Variants in RORB observed in about 807,000 individuals in gnomAD.
RORB encodes the protein RAR related orphan receptor B.
A neutral mutation model predicts 59.1 loss-of-function variants in RORB; 6 were observed. The ratio of observed to expected loss-of-function variants is 0.10; its 90% CI spans 0.06 to 0.20. RORB has a LOEUF of 0.20. Among genes scored for constraint, RORB ranks in the 10% least tolerant of loss-of-function variants. The probability of loss-of-function intolerance (pLI) is 1.00; values close to 1 mark genes in which losing one functional copy is unlikely to be tolerated. For missense variants in RORB, 320 were observed against 560.5 expected (o/e 0.57, Z 4.33); for synonymous variants, 215 against 204.5 (o/e 1.05, Z -0.44).
At chr9:74,529,855 G>T (rs186992313) in intron 1 of RORB, among the ~76,000 whole-genome samples, 1 of 151,766 alleles carries the variant, frequency 6.6e-6, no homozygotes, top group Non-Finnish European at 1.5e-5. Context: ...AGAAATCACC[G>T]CTGAAGGACT....
chr9:74,577,791 A>G (rs1822661048), intron 1 of RORB, among the ~76,000 whole-genome samples: 1 of 152,074 alleles, frequency 6.6e-6, no homozygotes, highest in South Asian at 2.1e-4. Flanking sequence ...ATGAGAAATA[A>G]ATGAAAACCT....
rs111628776 is a variant in RORB at position 74,511,529 on chromosome 9, G to T, written c.7+13546G>T. 9.8e-3 allele frequency among the ~76,000 whole-genome samples: 1,491 copies of T among 151,372 alleles called. 37 individuals are homozygous for T. The highest frequency in any genetic ancestry group is 0.035 in the African/African-American group (1,432 of 41,168). On this transcript the variant is annotated intron_variant, in intron 1 of 9. Coordinates refer to ENST00000376896, the MANE Select transcript of RORB (RefSeq NM_006914.4). ...GGGAGGCACAGTGACCCGGGCCTGTGGTCCTGGCACATAAGGCGGCTAGGG... is the reference window on the plus strand; with the variant it reads ...GGGAGGCACAGTGACCCGGGCCTGTTGTCCTGGCACATAAGGCGGCTAGGG...
intron 1 of RORB, among the ~76,000 whole-genome samples, chr9:74,548,931 T>A (rs1826545492): frequency 1.3e-5 from 2 of 152,202 alleles, no homozygotes; most frequent in Non-Finnish European, 2.9e-5. Context: ...AATAATTGCA[T>A]CATTATTGGA....
intron 1 of RORB, among the ~76,000 whole-genome samples, chr9:74,535,635 C>T (rs958776669): frequency 2.8e-4 from 43 of 152,008 alleles, no homozygotes; most frequent in African/African-American, 1.0e-3. Context: ...AGAGAAACTC[C>T]CTTTGTCATT....
chr9:74,522,069 T>G (rs143041759), intron 1 of RORB, among the ~76,000 whole-genome samples: 1 of 151,906 alleles, frequency 6.6e-6, no homozygotes, highest in African/African-American at 2.4e-5. Flanking sequence ...AGCAGTCACT[T>G]AAGACCTTTC....
chr9:74,631,521 T>C (rs1823618334), intron 2 of RORB, among the ~76,000 whole-genome samples: 1 of 152,182 alleles, frequency 6.6e-6, no homozygotes, highest in African/African-American at 2.4e-5. Context: ...AAACACACTG[T>C]AACTGTCAAA....
At chr9:74,622,457 T>G (rs917988539) in intron 1 of RORB, among the ~76,000 whole-genome samples, 2 of 152,174 alleles carry the variant, frequency 1.3e-5, no homozygotes, top group East Asian at 1.9e-4. Context: ...TGCTTTCCTC[T>G]TTTTTAGAAC....
At chr9:74,634,579 C>T in intron 2 of RORB, 52 bp from the exon 3 acceptor site, 1 of 1,502,542 alleles carries the variant, frequency 6.7e-7, no homozygotes, top group African/African-American at 1.4e-5. Flanking sequence ...TTAATGTTCT[C>T]TGTTTCCCTT....
chr9:74,658,442 T>A (rs1228091344), intron 4 of RORB, among the ~76,000 whole-genome samples: 1 of 152,158 alleles, frequency 6.6e-6, no homozygotes, highest in African/African-American at 2.4e-5. Context: ...AATTTTGATA[T>A]CAGAAGGCCA....
At chr9:74,613,823 C>T (rs1237437082) in intron 1 of RORB, among the ~76,000 whole-genome samples, 1 of 152,194 alleles carries the variant, frequency 6.6e-6, no homozygotes, top group Non-Finnish European at 1.5e-5. Flanking sequence ...GGAGGATTAA[C>T]AAACCATTTG....
intron 4 of RORB, among the ~76,000 whole-genome samples, chr9:74,658,645 TA>T (rs1181402131): frequency 6.6e-6 from 1 of 152,162 alleles, no homozygotes; most frequent in African/African-American, 2.4e-5. Context: ...TTGAAAACTA[TA>T]AAGCTATAAA....
Position 74,686,464 on chromosome 9 carries a change from A to C in RORB, c.*846A>C, listed in dbSNP as rs1159396948. 6.6e-6 allele frequency: 1 copy of C among 152,302 alleles called. No individual in the cohort carries two copies. The highest frequency in any genetic ancestry group is 6.5e-5 in the Admixed American group (1 of 15,284). 9.4% of individuals were successfully genotyped at this position (152,302 alleles called of 1,614,324 possible). A position where few individuals can be genotyped will look rare whatever the true frequency, so the allele number is the denominator to read the frequency against. On this transcript the variant is annotated 3_prime_UTR_variant, in exon 10 of 10. Transcript: ENST00000376896. ...CTGTTTCAAGAATTAGGCCACAGAT[A>C]ACATTGCAAGGTCCAAGACTTTTTT...
intron 1 of RORB, among the ~76,000 whole-genome samples, chr9:74,619,349 G>C (rs1823368015): frequency 6.6e-6 from 1 of 152,146 alleles, no homozygotes; most frequent in Non-Finnish European, 1.5e-5. Context: ...CTGCATTCAG[G>C]TGATGTAAAC....
intron 1 of RORB, among the ~76,000 whole-genome samples, chr9:74,576,305 T>C (rs564831023): frequency 6.6e-6 from 1 of 152,258 alleles, no homozygotes; most frequent in Non-Finnish European, 1.5e-5. Flanking sequence ...TCCTGGCTCC[T>C]GTCTGTAACA....
rs1822566254 is a variant in RORB at position 74,572,337 on chromosome 9, T to A, written c.8-57945T>A. Among the ~76,000 whole-genome samples, 4 of 152,120 alleles carry A rather than the reference T, an allele frequency of 2.6e-5. No individual in the cohort carries two copies. The South Asian group carries it at 8.3e-4, about 32-fold the overall frequency. Reference sequence around the variant, plus strand: ...AAGACCAAAGTCACAGGAAATATAATCCTTATTTGACTATGAACATGTCCC... The same window carrying A: ...AAGACCAAAGTCACAGGAAATATAAACCTTATTTGACTATGAACATGTCCC... On this transcript the variant is annotated intron_variant, in intron 1 of 9. Transcript: ENST00000376896.
chr9:74,599,397 G>A (rs879282983), intron 1 of RORB, among the ~76,000 whole-genome samples: 4 of 151,726 alleles, frequency 2.6e-5, no homozygotes, highest in Non-Finnish European at 5.9e-5. Context: ...ACTTCAATCA[G>A]AATGAGTAAT....
chr9:74,663,767 A>G (rs1331649017), intron 6 of RORB, among the ~76,000 whole-genome samples: 1 of 152,126 alleles, frequency 6.6e-6, no homozygotes, highest in Non-Finnish European at 1.5e-5. Flanking sequence ...GAACTGGGCT[A>G]GGGGCCTCAG....
intron 1 of RORB, among the ~76,000 whole-genome samples, chr9:74,507,900 T>C (rs1411976115): frequency 2.6e-5 from 4 of 152,040 alleles, no homozygotes; most frequent in Non-Finnish European, 4.4e-5. Context: ...TCTGGTAGAA[T>C]AGAGGAACAT....
At chr9:74,625,225 G>C (rs7862884) in intron 1 of RORB, among the ~76,000 whole-genome samples, 144,020 of 152,256 alleles carry the variant, frequency 0.95, 68,638 homozygotes, top group East Asian at 1. Context: ...TCATTTAATT[G>C]CCAATGGGTG....
Sources: allele counts gnomAD v4.1 joint callset (sites outside exome capture counted in the v4.1 genomes callset), GRCh38; gene constraint gnomAD v4.1.1; transcripts MANE v1.5; gene names NCBI Gene and HGNC (gene_info 2026-07-23, HGNC 2026-07-21).